NINL: variants seen among roughly 807,000 people sequenced by gnomAD.
NINL encodes ninein like, also known as ninein-like protein.
In NINL, 153 loss-of-function variants were observed where a neutral mutation model predicts 160.3. That is an observed-to-expected ratio of 0.95 (90% CI 0.84 to 1.09). The LOEUF (loss-of-function observed/expected upper bound fraction) is 1.09. Among genes scored for constraint, NINL ranks in the 50% least tolerant of loss-of-function variants. The pLI is 0.00. For synonymous variants in NINL, 800 were observed against 734.8 expected, an observed-to-expected ratio of 1.09 and a Z score of -1.43; for missense variants, 1,829 against 1,764.0, an observed-to-expected ratio of 1.04 and a Z score of -0.66.
At chr20:25,489,737 G>T in intron 12 of NINL, 138 bp downstream of exon 12, 1 of 690,238 alleles carries the variant, frequency 1.4e-6, no homozygotes, top group South Asian at 1.7e-5. Flanking sequence ...GCCTCATGCT[G>T]ACTTTCTCTT....
At chr20:25,453,671 A>G (rs369121474) in intron 23 of NINL, 29 bp from the exon 24 acceptor site, 16 of 1,573,328 alleles carry the variant, frequency 1.0e-5, no homozygotes, top group African/African-American at 8.2e-5. Context: ...CATGCTTTGC[A>G]TGAGGCCGGT....
Position 25,461,262 on chromosome 20 carries a change from G to A in NINL, c.3696+260C>T, listed in dbSNP as rs545380813. On this transcript the variant is annotated intron_variant, in intron 21 of 23. Transcript: ENST00000278886. The stretch of plus-strand genomic sequence containing the variant: ...CCTCTGGCTCCTCCATTCTGTGGAG[G>A]GCTCACCCACAGGCATGGTGCCCGC... 5.3e-5 allele frequency among the ~76,000 whole-genome samples: 8 copies of A among 152,274 alleles called. No homozygotes were observed. The South Asian group carries it at 1.7e-3, about 32-fold the overall frequency.
chr20:25,534,751 C>G (rs763288457), intron 1 of NINL, among the ~76,000 whole-genome samples: 21 of 152,308 alleles, frequency 1.4e-4, no homozygotes, highest in South Asian at 6.2e-4. Flanking sequence ...TCCAGGACCT[C>G]TCATGGATAC....
chr20:25,480,935 G>A (rs906081312), intron 14 of NINL, among the ~76,000 whole-genome samples: 1 of 152,084 alleles, frequency 6.6e-6, no homozygotes, highest in African/African-American at 2.4e-5. Context: ...GTGGGGTCTT[G>A]CACCTCCCTG....
At chr20:25,493,910 A>T (rs66591653) in intron 10 of NINL, among the ~76,000 whole-genome samples, 1 of 152,036 alleles carries the variant, frequency 6.6e-6, no homozygotes, top group Non-Finnish European at 1.5e-5. Flanking sequence ...TCGCCTCACC[A>T]GACACCTCCT....
chr20:25,578,296 C>T (rs1034478499), intron 1 of NINL, among the ~76,000 whole-genome samples: 24 of 150,620 alleles, frequency 1.6e-4, no homozygotes, highest in African/African-American at 5.4e-4. Flanking sequence ...TTGGTAGAGA[C>T]GGGGATTCAC....
intron 17 of NINL, among the ~76,000 whole-genome samples, chr20:25,472,368 CT>C (rs1195362856): frequency 1.7e-5 from 1 of 58,656 alleles, no homozygotes; most frequent in Non-Finnish European, 3.6e-5. Context: ...TATATATATA[CT>C]TTTTTTTTGT....
chr20:25,570,016 T>TAA lies in NINL; in HGVS notation c.-12+15437_-12+15438dup, dbSNP rs61326896. Among the ~76,000 whole-genome samples, 453 of 140,714 alleles carry TAA rather than the reference T, an allele frequency of 3.2e-3. 6 individuals are homozygous for TAA. The highest frequency in any genetic ancestry group is 0.01 in the African/African-American group (397 of 38,624). The allele number at this position is 140,714 out of a possible 152,430, so 92.3% of individuals were successfully genotyped here. On this transcript the variant is annotated intron_variant, in intron 1 of 23. Transcript: ENST00000278886. ...CAACATGGCAAAACCCTGTCTCCAC[T>TAA]AAAAAAAAAAAAAAATTTTAGCTGG...
Position 25,509,415 on chromosome 20 carries a change from C to T in NINL, c.517+1259G>A, listed in dbSNP as rs142060847. On this transcript the variant is annotated intron_variant, in intron 5 of 23. Coordinates refer to ENST00000278886, the MANE Select transcript of NINL (RefSeq NM_025176.6). ...TTCTCCAATCCTTCCTTGAGCACTG[C>T]AGCCCTGCTCCTTGGAGAAGCTCTG... Among the ~76,000 whole-genome samples the T allele has an allele frequency of 2.4e-3, 362 of 152,372 alleles. 1 individual carries two copies. The highest frequency in any genetic ancestry group is 8.5e-3 in the African/African-American group (355 of 41,590).
intron 1 of NINL, among the ~76,000 whole-genome samples, chr20:25,551,662 G>T (rs892146060): frequency 3.3e-5 from 5 of 152,120 alleles, no homozygotes; most frequent in Non-Finnish European, 7.3e-5. Flanking sequence ...GAGGCAAACG[G>T]TTATTCTTAT....
At chr20:25,474,596 C>T (rs2063185464) in intron 17 of NINL, among the ~76,000 whole-genome samples, 1 of 151,880 alleles carries the variant, frequency 6.6e-6, no homozygotes, top group Admixed American at 6.6e-5. Flanking sequence ...TTACTCTAAA[C>T]AGAGTTTCAC....
intron 2 of NINL, 31 bp downstream of exon 2, chr20:25,526,375 CTT>C (rs10536286): frequency 0.055 from 86,356 of 1,581,860 alleles, 3,771 homozygotes; most frequent in African/African-American, 0.23. Flanking sequence ...AGACCCCGTG[CTT>C]TCCTTTATGA....
At chr20:25,516,147 G>A (rs1283936861) in intron 3 of NINL, among the ~76,000 whole-genome samples, 2 of 152,058 alleles carry the variant, frequency 1.3e-5, no homozygotes, top group African/African-American at 4.8e-5. Flanking sequence ...ATGTGAAGAC[G>A]TGCCTGCTTC....
chr20:25,482,214 G>A, intron 13 of NINL, 114 bp from the exon 14 acceptor site: 2 of 1,191,326 alleles, frequency 1.7e-6, no homozygotes, highest in Non-Finnish European at 2.3e-6. Flanking sequence ...TGTGAGGTGA[G>A]GGCCTGTTGC....
intron 1 of NINL, among the ~76,000 whole-genome samples, chr20:25,531,373 G>C (rs1338936478): frequency 6.6e-6 from 1 of 152,198 alleles, no homozygotes; most frequent in Non-Finnish European, 1.5e-5. Flanking sequence ...TTACGAAAAT[G>C]ATGATGAGAT....
At chr20:25,576,883 G>A (rs909958115) in intron 1 of NINL, among the ~76,000 whole-genome samples, 5 of 152,232 alleles carry the variant, frequency 3.3e-5, no homozygotes, top group African/African-American at 1.2e-4. Flanking sequence ...TTAAAGCTGT[G>A]CAACAGTGTA....
intron 5 of NINL, among the ~76,000 whole-genome samples, chr20:25,506,422 C>T (rs1426385871): frequency 6.6e-6 from 1 of 152,216 alleles, no homozygotes; most frequent in Non-Finnish European, 1.5e-5. Flanking sequence ...AGCAGCCTGC[C>T]ACAGGCTTCT....
At chr20:25,546,539 A>G (rs1224088684) in intron 1 of NINL, among the ~76,000 whole-genome samples, 1 of 152,128 alleles carries the variant, frequency 6.6e-6, no homozygotes, top group East Asian at 1.9e-4. Context: ...TCTAAATAGG[A>G]AAGAATAAAA....
intron 1 of NINL, among the ~76,000 whole-genome samples, chr20:25,553,337 G>A (rs1393206028): frequency 6.6e-6 from 1 of 152,034 alleles, no homozygotes; most frequent in African/African-American, 2.4e-5. Flanking sequence ...AAAATCCAAA[G>A]GTTGGGGAAA....
Sources: allele counts gnomAD v4.1 joint callset (sites outside exome capture counted in the v4.1 genomes callset), GRCh38; gene constraint gnomAD v4.1.1; transcripts MANE v1.5; gene names NCBI Gene and HGNC (gene_info 2026-07-23, HGNC 2026-07-21).